The following C1orf141 variants were observed in gnomAD, a reference collection of about 807,000 sequenced individuals.
The protein encoded by C1orf141 is uncharacterized protein C1orf141.
In C1orf141, 19 loss-of-function variants were observed where a neutral mutation model predicts 23.2. The observed-to-expected ratio is 0.82, with a 90% CI of 0.57 to 1.20. The LOEUF (loss-of-function observed/expected upper bound fraction) is 1.20. Among genes scored for constraint, C1orf141 ranks in the 50% most tolerant of loss-of-function variants. The pLI is 0.00. For missense variants in C1orf141, 469 were observed against 455.1 expected (o/e 1.03, Z -0.28); for synonymous variants, 153 against 154.6 (o/e 0.99, Z 0.08).
intron 1 of C1orf141, among the ~76,000 whole-genome samples, chr1:67,131,528 T>C (rs1386447015): frequency 2.0e-5 from 3 of 152,130 alleles, no homozygotes; most frequent in Non-Finnish European, 2.9e-5. Flanking sequence ...ACCTGAAGAA[T>C]ACCCAAACTC....
At chr1:67,107,067 C>A (rs1558191016) in intron 5 of C1orf141, among the ~76,000 whole-genome samples, 2 of 152,172 alleles carry the variant, frequency 1.3e-5, no homozygotes, top group Non-Finnish European at 2.9e-5. Context: ...TATAGTATTA[C>A]ATACAGAAAC....
intron 4 of C1orf141, among the ~76,000 whole-genome samples, chr1:67,116,957 C>T (rs1261056037): frequency 6.6e-6 from 1 of 152,138 alleles, no homozygotes; most frequent in Non-Finnish European, 1.5e-5. Context: ...TTATAGAATT[C>T]ATCACTGGTA....
chr1:67,107,011 C>T (rs1645943654), intron 5 of C1orf141, among the ~76,000 whole-genome samples: 2 of 152,168 alleles, frequency 1.3e-5, no homozygotes, highest in African/African-American at 4.8e-5. Context: ...CTTTAAAACA[C>T]AGCAAATTGC....
At chr1:67,110,487 G>A (rs1380515120) in intron 5 of C1orf141, among the ~76,000 whole-genome samples, 1 of 151,964 alleles carries the variant, frequency 6.6e-6, no homozygotes, top group African/African-American at 2.4e-5. Flanking sequence ...TTAGAAATAT[G>A]GAGTTAATCT....
chr1:67,109,252 A>G (rs1475171139), intron 5 of C1orf141, among the ~76,000 whole-genome samples: 1 of 145,944 alleles, frequency 6.9e-6, no homozygotes, highest in Admixed American at 7.0e-5. Context: ...GCCTGAACGC[A>G]GGAGGCAGAG....
At chr1:67,106,906 GA>G (rs1177768108) in intron 5 of C1orf141, among the ~76,000 whole-genome samples, 1 of 152,124 alleles carries the variant, frequency 6.6e-6, no homozygotes, top group Non-Finnish European at 1.5e-5. Context: ...TACTTAATAT[GA>G]AAAAATAGAG....
At chr1:67,093,627 A>G in intron 7 of C1orf141, 23 bp from the exon 8 acceptor site, 1 of 1,503,102 alleles carries the variant, frequency 6.7e-7, no homozygotes, top group Non-Finnish European at 8.9e-7. Context: ...GAAAAGAATA[A>G]TTAGTCATAA....
intron 3 of C1orf141, among the ~76,000 whole-genome samples, chr1:67,126,716 G>A (rs1646420802): frequency 6.6e-6 from 1 of 152,178 alleles, no homozygotes; most frequent in Non-Finnish European, 1.5e-5. Context: ...GTGGTTTCAG[G>A]GCTGAGGTGC....
upstream of C1orf141, among the ~76,000 whole-genome samples, chr1:67,137,781 G>A (rs1416421194): frequency 6.6e-6 from 1 of 152,244 alleles, no homozygotes; most frequent in Non-Finnish European, 1.5e-5. Flanking sequence ...CTTTGGGCAA[G>A]AGAGTCTTTC....
chr1:67,102,151 C>T, intron 5 of C1orf141, among the ~76,000 whole-genome samples: 1 of 152,092 alleles, frequency 6.6e-6, no homozygotes, highest in East Asian at 1.9e-4. Context: ...GTATCCTGAA[C>T]AGCATTTTAA....
chr1:67,096,223 A>C (rs1645676864), intron 6 of C1orf141, 29 bp downstream of exon 6: 1 of 1,052,634 alleles, frequency 9.5e-7, no homozygotes, highest in African/African-American at 1.6e-5. Flanking sequence ...TAAACAGAAC[A>C]AAGTATTAAG....
chr1:67,096,782 T>C (rs1233955914), intron 5 of C1orf141, among the ~76,000 whole-genome samples: 1 of 152,220 alleles, frequency 6.6e-6, no homozygotes, highest in Non-Finnish European at 1.5e-5. Context: ...TAGATACACA[T>C]GCTATTAGTA....
At chr1:67,114,139 T>C (rs1332886560) in intron 5 of C1orf141, among the ~76,000 whole-genome samples, 4 of 152,054 alleles carry the variant, frequency 2.6e-5, no homozygotes, top group Non-Finnish European at 5.9e-5. Context: ...CCCCCACACC[T>C]ATTCATTTTA....
upstream of C1orf141, among the ~76,000 whole-genome samples, chr1:67,136,942 G>T (rs972217173): frequency 1.3e-5 from 2 of 152,124 alleles, no homozygotes; most frequent in African/African-American, 4.8e-5. Flanking sequence ...TTTACTGAAT[G>T]AGTTCATGAA....
chr1:67,137,683 C>A (rs1326637547), upstream of C1orf141, among the ~76,000 whole-genome samples: 1 of 152,148 alleles, frequency 6.6e-6, no homozygotes, highest in Non-Finnish European at 1.5e-5. Context: ...GGTCTCCAGG[C>A]AAATAAAGCT....
chr1:67,102,483 T>G (rs1645826209), intron 5 of C1orf141, among the ~76,000 whole-genome samples: 1 of 152,020 alleles, frequency 6.6e-6, no homozygotes, highest in African/African-American at 2.4e-5. Context: ...GAGTTGGCGT[T>G]GGGAAAACAT....
intron 4 of C1orf141, among the ~76,000 whole-genome samples, chr1:67,118,402 C>T (rs1646238238): frequency 6.6e-6 from 1 of 152,106 alleles, no homozygotes; most frequent in South Asian, 2.1e-4. Context: ...CTCCACAAAA[C>T]TGATGAGGGA....
At chr1:67,131,067 A>G (rs576446106) in intron 2 of C1orf141, 75 bp downstream of exon 2, 1 of 152,448 alleles carries the variant, frequency 6.6e-6, no homozygotes, top group East Asian at 1.9e-4. Flanking sequence ...ACTACTTTGC[A>G]TAAACTAACT....
intron 4 of C1orf141, among the ~76,000 whole-genome samples, chr1:67,124,720 A>T (rs1294907424): frequency 6.6e-6 from 1 of 152,192 alleles, no homozygotes; most frequent in African/African-American, 2.4e-5. Flanking sequence ...GCTAACAAGT[A>T]GCAAGGCTGG....
Sources: gnomAD v4.1 joint callset for allele counts (sites outside exome capture counted in the v4.1 genomes callset) on GRCh38, gnomAD v4.1.1 for gene constraint, MANE v1.5 for transcripts, NCBI Gene and HGNC (gene_info 2026-07-23, HGNC 2026-07-21) for gene names.